ATF7IP2: variants seen among roughly 807,000 people sequenced by gnomAD.
The protein encoded by ATF7IP2 is activating transcription factor 7 interacting protein 2.
A neutral mutation model predicts 64.2 loss-of-function variants in ATF7IP2; 42 were observed. The observed-to-expected ratio is 0.65, with a 90% CI of 0.51 to 0.85. The LOEUF (loss-of-function observed/expected upper bound fraction) is 0.85. Among genes scored for constraint, ATF7IP2 ranks in the 40% least tolerant of loss-of-function variants. ATF7IP2 has a pLI of 0.00. For synonymous variants in ATF7IP2, 308 were observed against 272.8 expected, an observed-to-expected ratio of 1.13 and a Z score of -1.27; for missense variants, 933 against 784.2, an observed-to-expected ratio of 1.19 and a Z score of -2.27.
chr16:10,481,002 C>T (rs769516190), intron 13 of ATF7IP2, 38 bp downstream of exon 13: 1 of 1,435,826 alleles, frequency 7.0e-7, no homozygotes, highest in Non-Finnish European at 9.8e-7. Flanking sequence ...ATATTTATTC[C>T]AAATTGAGTG....
intron 8 of ATF7IP2, among the ~76,000 whole-genome samples, chr16:10,450,744 C>G (rs1018702115): frequency 2.0e-5 from 3 of 152,062 alleles, no homozygotes; most frequent in African/African-American, 4.8e-5. Context: ...ATACAGCACA[C>G]CAATGGGTCT....
intron 8 of ATF7IP2, among the ~76,000 whole-genome samples, chr16:10,452,297 G>A (rs1378251122): frequency 2.0e-5 from 3 of 152,118 alleles, no homozygotes; most frequent in Non-Finnish European, 4.4e-5. Context: ...CCTTCGGATG[G>A]GGTCTCTGAG....
At chr16:10,410,551 G>A (rs1373319352) in intron 1 of ATF7IP2, among the ~76,000 whole-genome samples, 1 of 152,108 alleles carries the variant, frequency 6.6e-6, no homozygotes, top group Non-Finnish European at 1.5e-5. Flanking sequence ...GGTTTTCTAG[G>A]TATACAGTCA....
At chr16:10,405,936 C>G (rs527537996) in intron 1 of ATF7IP2, among the ~76,000 whole-genome samples, 1 of 152,032 alleles carries the variant, frequency 6.6e-6, no homozygotes, top group South Asian at 2.1e-4. Context: ...CTACTAAAAA[C>G]AAACTAGCTG....
At chr16:10,434,792 A>C (rs192586914) in intron 6 of ATF7IP2, among the ~76,000 whole-genome samples, 2 of 151,168 alleles carry the variant, frequency 1.3e-5, no homozygotes, top group Admixed American at 6.6e-5. Context: ...AGTGAGAAGT[A>C]AGTTTTTGTT....
chr16:10,479,804 G>A (rs2050149752), intron 12 of ATF7IP2, among the ~76,000 whole-genome samples: 1 of 151,980 alleles, frequency 6.6e-6, no homozygotes. Flanking sequence ...TCTCATGCCT[G>A]TCAGAATGGC....
Position 10,457,689 on chromosome 16 carries a change from G to GTT in ATF7IP2, c.1352+168_1352+169dup, listed in dbSNP as rs376910055. The GTT allele has an allele frequency of 2.7e-3, 1,389 of 518,780 alleles. 17 individuals carry two copies. The highest frequency in any genetic ancestry group is 0.025 in the African/African-American group (1,241 of 48,742). The allele number at this position is 518,780 out of a possible 1,614,324, so 32.1% of individuals were successfully genotyped here. Reference sequence around the variant, plus strand: ...TACATATTATACTTCAGTTGTGGGGGTTTTTTTTTGGTTTTTGGGTTTTCT... The same window carrying GTT: ...TACATATTATACTTCAGTTGTGGGGGTTTTTTTTTTTGGTTTTTGGGTTTTCT... On this transcript the variant is annotated intron_variant, in intron 9 of 13. Transcript: ENST00000562102.
At chr16:10,425,641 C>T (rs996482705) in intron 3 of ATF7IP2, among the ~76,000 whole-genome samples, 2 of 151,966 alleles carry the variant, frequency 1.3e-5, no homozygotes, top group Non-Finnish European at 2.9e-5. Flanking sequence ...CATCTGTAAT[C>T]CCAGCACTTT....
At chr16:10,429,186 T>A (rs1170861605) in intron 4 of ATF7IP2, among the ~76,000 whole-genome samples, 170 bp downstream of exon 4, 1 of 152,222 alleles carries the variant, frequency 6.6e-6, no homozygotes, top group Non-Finnish European at 1.5e-5. Flanking sequence ...AAGATTTGAT[T>A]TGTTCATTTT....
chr16:10,474,639 G>C (rs2049937340), intron 12 of ATF7IP2, among the ~76,000 whole-genome samples: 1 of 152,118 alleles, frequency 6.6e-6, no homozygotes, highest in Non-Finnish European at 1.5e-5. Flanking sequence ...CAGTTATAAG[G>C]TCTCATTGGA....
intron 1 of ATF7IP2, among the ~76,000 whole-genome samples, chr16:10,401,428 A>G (rs573887827): frequency 9.9e-5 from 15 of 152,212 alleles, no homozygotes; most frequent in African/African-American, 3.6e-4. Context: ...TCGGCCTCCC[A>G]CAGTGCTGGG....
chr16:10,416,559 G>A (rs569646216), intron 2 of ATF7IP2, among the ~76,000 whole-genome samples: 136 of 152,254 alleles, frequency 8.9e-4, no homozygotes, highest in African/African-American at 3.0e-3. Flanking sequence ...TTGGGAGGCC[G>A]AGGCAGGTGG....
intron 5 of ATF7IP2, among the ~76,000 whole-genome samples, chr16:10,431,667 A>G (rs1352032296): frequency 6.6e-6 from 1 of 152,170 alleles, no homozygotes; most frequent in African/African-American, 2.4e-5. Flanking sequence ...GAAGGAATCA[A>G]TCACTTTTCC....
chr16:10,440,269 CTT>C, intron 7 of ATF7IP2, 93 bp from the exon 8 acceptor site: 1 of 571,996 alleles, frequency 1.7e-6, no homozygotes, highest in South Asian at 3.1e-5. Context: ...ATGTCTAGGT[CTT>C]ACAAAACTAC....
At chr16:10,448,749 T>C (rs1463846700) in intron 8 of ATF7IP2, 1 of 152,250 alleles carries the variant, frequency 6.6e-6, no homozygotes, top group Non-Finnish European at 1.5e-5. Flanking sequence ...GCATGTTATC[T>C]GCAAACAGAG....
At chr16:10,458,014 A>G (rs971185471) in intron 9 of ATF7IP2, among the ~76,000 whole-genome samples, 1 of 152,206 alleles carries the variant, frequency 6.6e-6, no homozygotes, top group Non-Finnish European at 1.5e-5. Context: ...GCCTGGCCCT[A>G]TACTTGAGTT....
chr16:10,478,735 A>G (rs903369844), intron 12 of ATF7IP2, among the ~76,000 whole-genome samples: 7 of 152,252 alleles, frequency 4.6e-5, no homozygotes, highest in African/African-American at 1.7e-4. Flanking sequence ...AAATGGGAGA[A>G]AATTTTCGCA....
intron 8 of ATF7IP2, among the ~76,000 whole-genome samples, chr16:10,451,313 G>C (rs1464695492): frequency 6.6e-6 from 1 of 152,130 alleles, no homozygotes; most frequent in African/African-American, 2.4e-5. Context: ...TCTTCTCCAG[G>C]AGTATCTTTG....
chr16:10,473,649 A>G (rs2049890318), intron 11 of ATF7IP2, 115 bp downstream of exon 11: 3 of 758,282 alleles, frequency 4.0e-6, no homozygotes, highest in Non-Finnish European at 6.7e-6. Flanking sequence ...CACACTGAAA[A>G]GCAGACAGCT....
Sources: allele counts gnomAD v4.1 joint callset (sites outside exome capture counted in the v4.1 genomes callset), GRCh38; gene constraint gnomAD v4.1.1; transcripts MANE v1.5; gene names NCBI Gene and HGNC (gene_info 2026-07-23, HGNC 2026-07-21).